Variants in NTN4 observed in about 807,000 individuals in gnomAD.
NTN4 encodes netrin 4.
Under a neutral mutation model 73.6 loss-of-function variants are expected in NTN4, and 32 were observed. The ratio of observed to expected loss-of-function variants is 0.44; its 90% CI spans 0.33 to 0.58. The LOEUF (loss-of-function observed/expected upper bound fraction) is 0.58. Ranked by LOEUF, NTN4 falls within the 20% of genes least tolerant of loss-of-function variation. The pLI is 0.04. For synonymous variants in NTN4, 258 were observed against 287.5 expected, an observed-to-expected ratio of 0.90 and a Z score of 1.04; for missense variants, 654 against 798.3, an observed-to-expected ratio of 0.82 and a Z score of 2.18.
At chr12:95,767,767 T>C (rs1286504933) in intron 2 of NTN4, among the ~76,000 whole-genome samples, 1 of 152,054 alleles carries the variant, frequency 6.6e-6, no homozygotes, top group Non-Finnish European at 1.5e-5. Flanking sequence ...TTGCACTGTT[T>C]TCCAGGAGGT....
intron 3 of NTN4, among the ~76,000 whole-genome samples, chr12:95,725,295 G>A (rs936479974): frequency 3.3e-5 from 5 of 152,104 alleles, no homozygotes; most frequent in South Asian, 4.1e-4. Context: ...TGAGAATGAA[G>A]GAAGGTGTTG....
At chr12:95,786,232 A>T (rs2079166376) in intron 2 of NTN4, among the ~76,000 whole-genome samples, 1 of 152,160 alleles carries the variant, frequency 6.6e-6, no homozygotes, top group Non-Finnish European at 1.5e-5. Flanking sequence ...GTTCTCATAC[A>T]CCTGAGGGTT....
At position 95,683,690 on chromosome 12, in the gene NTN4, C is replaced by T; in HGVS notation, c.1202G>A (p.Gly401Glu). 6.2e-7 allele frequency: 1 copy of T among 1,610,648 alleles called. No individual in the cohort carries two copies. Among genetic ancestry groups the T allele is most frequent in the Non-Finnish European group, 8.5e-7 (1 of 1,178,294 alleles). Residue 401 changes from glycine (G) to glutamate (E), a missense_variant, in exon 6 of 10, where the codon GGA (glycine) becomes GAA (glutamate). Transcript: ENST00000343702. ...TGAGTTGGCAGGAAGGACAGCTGAT[C>T]CTACTGGATGGCAGGAACACGCTAC... is the stretch of plus-strand genomic sequence containing the variant. ...ACKPCSCHPV[G>E]SAVLPANSVT...
At chr12:95,707,729 A>T (rs1172679954) in intron 5 of NTN4, among the ~76,000 whole-genome samples, 1 of 152,330 alleles carries the variant, frequency 6.6e-6, no homozygotes, top group Admixed American at 6.5e-5. Flanking sequence ...GGCACATAGT[A>T]GGCGCTCAAT....
chr12:95,724,878 G>A (rs1300039157), intron 3 of NTN4, among the ~76,000 whole-genome samples: 1 of 151,930 alleles, frequency 6.6e-6, no homozygotes, highest in Admixed American at 6.6e-5. Flanking sequence ...ACTTTCCTTT[G>A]CACTTGTCTT....
At chr12:95,719,715 CT>C (rs2078632701) in intron 3 of NTN4, among the ~76,000 whole-genome samples, 1 of 152,090 alleles carries the variant, frequency 6.6e-6, no homozygotes, top group South Asian at 2.1e-4. Context: ...AAAATATGCC[CT>C]TTCCCATTAA....
chr12:95,659,332 G>C, intron 9 of NTN4, 110 bp from the exon 10 acceptor site: 1 of 792,216 alleles, frequency 1.3e-6, no homozygotes, highest in Non-Finnish European at 1.9e-6. Flanking sequence ...GTCTTGCTCT[G>C]TTACCCAGGC....
At chr12:95,728,997 C>T (rs978599095) in intron 3 of NTN4, among the ~76,000 whole-genome samples, 5 of 152,184 alleles carry the variant, frequency 3.3e-5, no homozygotes, top group Non-Finnish European at 7.3e-5. Flanking sequence ...TGGAAGCTTC[C>T]TGAGGCCTCC....
At chr12:95,682,057 C>CTTTTT (rs557973212) in intron 7 of NTN4, among the ~76,000 whole-genome samples, 2,205 of 64,450 alleles carry the variant, frequency 0.034, 624 homozygotes, top group African/African-American at 0.088. Context: ...ATTCAGTAGG[C>CTTTTT]TTTTTTTTTT....
upstream of NTN4, among the ~76,000 whole-genome samples, chr12:95,790,928 C>CGGGGGG (rs369924618): frequency 1.3e-4 from 15 of 117,120 alleles, no homozygotes; most frequent in Admixed American, 1.4e-3. The surrounding 1 kb of genome is among the most constrained non-coding windows in gnomAD (Gnocchi z 6.5). Context: ...CGCTGCCGCC[C>CGGGGGG]GGGGGGGGGG....
intron 2 of NTN4, among the ~76,000 whole-genome samples, chr12:95,759,486 T>G (rs1167803448): frequency 7.7e-6 from 1 of 130,428 alleles, no homozygotes; most frequent in Non-Finnish European, 1.6e-5. Flanking sequence ...CCTAGTAGTA[T>G]TTTTGTTTTT....
intron 4 of NTN4, 110 bp from the exon 5 acceptor site, chr12:95,710,739 A>C: frequency 1.2e-5 from 12 of 1,003,010 alleles, no homozygotes; most frequent in African/African-American, 1.6e-5. Context: ...GTGGTAGCTC[A>C]CACCTGTAAT....
intron 8 of NTN4, among the ~76,000 whole-genome samples, chr12:95,667,927 A>C (rs969403354): frequency 2.0e-5 from 3 of 152,160 alleles, no homozygotes; most frequent in African/African-American, 7.2e-5. Flanking sequence ...TCAAGTTCAC[A>C]TAACTGGTTG....
At chr12:95,766,718 T>A (rs903069346) in intron 2 of NTN4, among the ~76,000 whole-genome samples, 2 of 152,206 alleles carry the variant, frequency 1.3e-5, no homozygotes, top group African/African-American at 4.8e-5. Flanking sequence ...GACCTGCGCA[T>A]AATATTCTAG....
At chr12:95,703,452 G>C (rs1162833337) in intron 5 of NTN4, among the ~76,000 whole-genome samples, 1 of 152,172 alleles carries the variant, frequency 6.6e-6, no homozygotes, top group Non-Finnish European at 1.5e-5. Context: ...TTTCCAGTGT[G>C]TGCTATAGAA....
chr12:95,774,186 T>A (rs56078746), intron 2 of NTN4, among the ~76,000 whole-genome samples: 64,379 of 148,662 alleles, frequency 0.43, 14,326 homozygotes, highest in Middle Eastern at 0.5. Context: ...TTTTTTTTTT[T>A]AAAAAAAAAA....
chr12:95,761,326 CTTTTTTT>C (rs397969115), intron 2 of NTN4, among the ~76,000 whole-genome samples: 4 of 133,174 alleles, frequency 3.0e-5, no homozygotes, highest in Non-Finnish European at 6.2e-5. Flanking sequence ...AAGAGATATT[CTTTTTTT>C]TTTTTTTCCC....
intron 2 of NTN4, among the ~76,000 whole-genome samples, chr12:95,759,491 GTT>G (rs61286357): frequency 1.5e-5 from 2 of 136,374 alleles, no homozygotes; most frequent in Admixed American, 7.4e-5. Flanking sequence ...TAGTATTTTT[GTT>G]TTTTTTTTTT....
chr12:95,735,026 C>A (rs192869047), intron 3 of NTN4, among the ~76,000 whole-genome samples: 1 of 152,020 alleles, frequency 6.6e-6, no homozygotes, highest in African/African-American at 2.4e-5. Context: ...GCAACAAGAG[C>A]GAAACTCCAT....
Sources: allele counts gnomAD v4.1 joint callset (sites outside exome capture counted in the v4.1 genomes callset), GRCh38; gene constraint gnomAD v4.1.1; non-coding constraint Gnocchi (gnomAD v3.1); transcripts MANE v1.5; gene names NCBI Gene and HGNC (gene_info 2026-07-23, HGNC 2026-07-21).